Variants in PTPRF observed in about 807,000 individuals in gnomAD.
PTPRF encodes protein tyrosine phosphatase receptor type F, also known as receptor-type tyrosine-protein phosphatase F.
In PTPRF, 59 loss-of-function variants were observed where a neutral mutation model predicts 201.8. The ratio of observed to expected loss-of-function variants is 0.29; its 90% CI spans 0.24 to 0.36. The LOEUF is 0.36. Among genes scored for constraint, PTPRF ranks in the 10% least tolerant of loss-of-function variants. The pLI, the probability that PTPRF is intolerant of heterozygous loss-of-function variation, is 1.00. For synonymous variants in PTPRF, 1,088 were observed against 1,089.7 expected (o/e 1.00, Z 0.03); for missense variants, 2,132 against 2,690.5 (o/e 0.79, Z 4.59).
At chr1:43,615,949 T>A (rs1317182931) in intron 23 of PTPRF, among the ~76,000 whole-genome samples, 2 of 152,102 alleles carry the variant, frequency 1.3e-5, no homozygotes, top group African/African-American at 4.8e-5. Context: ...TGGAGACACA[T>A]GCCCTCAGGG....
rs981971925 is a variant in PTPRF at position 43,622,246 on chromosome 1, T to TG, written c.*245dup. 2 of 534,198 alleles carry TG rather than the reference T, an allele frequency of 3.7e-6. No individual in the cohort carries two copies. Among genetic ancestry groups the TG allele is most frequent in the Admixed American group, 3.3e-5 (1 of 30,764 alleles). The allele number at this position is 534,198 out of a possible 1,614,324, so 33.1% of individuals were successfully genotyped here. A position where few individuals can be genotyped will look rare whatever the true frequency, so the allele number is the denominator to read the frequency against. On this transcript the variant is annotated 3_prime_UTR_variant, in exon 34 of 34. Transcript: ENST00000359947. Reference sequence around the variant, plus strand: ...GGCCCTTCTGTCCACCAGACCCACCTGGAGCCCGCTTCAAGCTCTCTGTTG... The same window carrying TG: ...GGCCCTTCTGTCCACCAGACCCACCTGGGAGCCCGCTTCAAGCTCTCTGTTG...
At chr1:43,561,126 T>TA (rs1213828222) in intron 5 of PTPRF, among the ~76,000 whole-genome samples, 1 of 152,070 alleles carries the variant, frequency 6.6e-6, no homozygotes, top group African/African-American at 2.4e-5. Context: ...CCTCTTGATA[T>TA]ACCCCCTGAC....
chr1:43,556,171 T>C (rs1255603063), intron 5 of PTPRF, among the ~76,000 whole-genome samples: 2 of 152,270 alleles, frequency 1.3e-5, no homozygotes, highest in Non-Finnish European at 2.9e-5. Context: ...GTTTTCACAT[T>C]GGCCATTTTT....
Position 43,591,885 on chromosome 1 carries a change from C to T in PTPRF, c.1605C>T (p.Pro535=), listed in dbSNP as rs1650860782. The change falls in exon 10 of 34, where the codon CCC becomes CCT. Residue 535 remains proline (P), a synonymous_variant. Transcript: ENST00000359947. The part of the protein sequence containing the change: ...DTRIQLSWLL[P]PQERIIMYEL... Reference sequence around the variant, plus strand: ...GGATCCAGCTCTCGTGGCTGCTGCCCCCTCAGGAGCGGATCATCATGTATG... The same window carrying T: ...GGATCCAGCTCTCGTGGCTGCTGCCTCCTCAGGAGCGGATCATCATGTATG... 6.2e-7 allele frequency: 1 copy of T among 1,613,470 alleles called. No individual in the cohort carries two copies. Among genetic ancestry groups the T allele is most frequent in the African/African-American group, 1.3e-5 (1 of 75,040 alleles).
intron 5 of PTPRF, among the ~76,000 whole-genome samples, chr1:43,560,607 T>C (rs1338408318): frequency 6.6e-6 from 1 of 152,142 alleles, no homozygotes; most frequent in Non-Finnish European, 1.5e-5. Context: ...ATGCTGTGTC[T>C]GGGCTCATTG....
intron 6 of PTPRF, chr1:43,575,886 T>C: frequency 4.4e-6 from 6 of 1,359,256 alleles, no homozygotes; most frequent in South Asian, 1.2e-5. Flanking sequence ...TCTGATCTTA[T>C]TTGCATTCAA....
At chr1:43,581,624 G>T (rs79383893) in intron 7 of PTPRF, among the ~76,000 whole-genome samples, 1 of 152,206 alleles carries the variant, frequency 6.6e-6, no homozygotes, top group Non-Finnish European at 1.5e-5. Flanking sequence ...AGCAGTACTA[G>T]GGGCCCTTCA....
Position 43,621,921 on chromosome 1 carries a change from C to A in PTPRF, c.5656-14C>A, listed in dbSNP as rs747770420. On this transcript the variant is annotated splice_polypyrimidine_tract_variant and intron_variant, in intron 33 of 33. Transcript: ENST00000359947. Reference sequence around the variant, plus strand: ...CTGGCGCGACCCACACTGACCAGCCCCCTATCCTGGCAGGACCAGTATCAG... The same window carrying A: ...CTGGCGCGACCCACACTGACCAGCCACCTATCCTGGCAGGACCAGTATCAG... The A allele has an allele frequency of 1.1e-5, 18 of 1,613,936 alleles. No individual in the cohort carries two copies. Among genetic ancestry groups the A allele is most frequent in the Non-Finnish European group, 1.4e-5 (17 of 1,179,966 alleles).
At chr1:43,556,706 GT>G (rs1207180110) in intron 5 of PTPRF, among the ~76,000 whole-genome samples, 3 of 152,212 alleles carry the variant, frequency 2.0e-5, no homozygotes, top group Non-Finnish European at 1.5e-5. Flanking sequence ...TGCTCCATCT[GT>G]AAATGGATAT....
At chr1:43,527,291 C>G (rs1189166182), upstream of PTPRF, among the ~76,000 whole-genome samples, 1 of 152,206 alleles carries the variant, frequency 6.6e-6, no homozygotes, top group Non-Finnish European at 1.5e-5. Context: ...AGCAGGGCAG[C>G]AGGGCAGCCC....
At position 43,588,601 on chromosome 1, in the gene PTPRF, G is replaced by A. The variant is rs1410175744; in HGVS notation, c.680-130G>A. 3 of 1,244,854 alleles carry A rather than the reference G, an allele frequency of 2.4e-6. No homozygotes were observed. The highest frequency in any genetic ancestry group is 1.5e-5 in the African/African-American group (1 of 66,150). 77.1% of individuals were successfully genotyped at this position (1,244,854 alleles called of 1,614,324 possible). A position where few individuals can be genotyped will look rare whatever the true frequency, so the allele number is the denominator to read the frequency against. On this transcript the variant is annotated intron_variant, in intron 7 of 33. Transcript: ENST00000359947. The surrounding 1 kb of genome is among the most constrained non-coding windows in gnomAD (Gnocchi z 5.3). ...GGATGATGAGCTGGGGTCTGGCGGT[G>A]CCACCCCTCCTGTCTCTGAGCATGG...
chr1:43,591,125 G>A lies in PTPRF; in HGVS notation c.1103G>A (p.Gly368Asp). 4 of 1,613,738 alleles carry A rather than the reference G, an allele frequency of 2.5e-6. No homozygotes were observed. The highest frequency in any genetic ancestry group is 3.4e-6 in the Non-Finnish European group (4 of 1,180,044). ...GTEGPFQEVD[G>D]VATTRYSIGG... ...GAGGGCCCCTTTCAGGAGGTGGATG[G>A]TGTGGCCACCACCCGCTACAGCATT... Residue 368 changes from glycine (G) to aspartate (D), a missense_variant, in exon 9 of 34, where the codon GGT (glycine) becomes GAT (aspartate). Gly to Asp is a moderately conservative substitution (Grantham distance 94). Transcript: ENST00000359947.
chr1:43,558,420 T>G (rs1212592439), intron 5 of PTPRF, among the ~76,000 whole-genome samples: 1 of 151,846 alleles, frequency 6.6e-6, no homozygotes, highest in African/African-American at 2.4e-5. Flanking sequence ...AGCCGTGCCC[T>G]TTGCACCTCG....
chr1:43,527,949 T>A (rs990431523), upstream of PTPRF, among the ~76,000 whole-genome samples: 1 of 152,212 alleles, frequency 6.6e-6, no homozygotes, highest in Non-Finnish European at 1.5e-5. Context: ...TCTTCATTCT[T>A]TAACAAATAT....
chr1:43,612,770 T>C (rs779249446), intron 22 of PTPRF: 1 of 1,365,956 alleles, frequency 7.3e-7, no homozygotes, highest in Non-Finnish European at 9.8e-7. Context: ...CTCTGCAGGT[T>C]CCAGTGTCCC....
intron 5 of PTPRF, among the ~76,000 whole-genome samples, chr1:43,559,194 G>C (rs1030724404): frequency 1.3e-5 from 2 of 151,964 alleles, no homozygotes; most frequent in Non-Finnish European, 2.9e-5. Flanking sequence ...GTGCAGCAGG[G>C]GTGCTGCCTT....
intron 2 of PTPRF, among the ~76,000 whole-genome samples, chr1:43,543,381 C>A (rs1352108843): frequency 6.6e-6 from 1 of 152,238 alleles, no homozygotes; most frequent in African/African-American, 2.4e-5. Flanking sequence ...GATCCATCCC[C>A]AGCTTGGTGT....
Position 43,604,930 on chromosome 1 carries a change from C to T in PTPRF, c.3065C>T (p.Ala1022Val). Residue 1022 changes from alanine (A) to valine (V), a missense_variant, in exon 17 of 34, where the codon GCT (alanine) becomes GTT (valine). Physicochemically the swap from Ala to Val is moderately conservative, Grantham distance 64. Coordinates refer to ENST00000359947, the MANE Select transcript of PTPRF (RefSeq NM_002840.5). ...QVFAKNFRVAAAMKTSVLLSW... is the reference protein window; with the variant it reads ...QVFAKNFRVAVAMKTSVLLSW... The stretch of plus-strand genomic sequence containing the variant: ...TTTGCCAAGAACTTCCGGGTGGCGG[C>T]TGCAATGAAGACGTCTGTGCTGCTC... 1 of 1,614,152 alleles carries T rather than the reference C, an allele frequency of 6.2e-7. No homozygotes were observed. Among genetic ancestry groups the T allele is most frequent in the Non-Finnish European group, 8.5e-7 (1 of 1,180,046 alleles).
In PTPRF at chr1:43,603,916, C is replaced by A; in HGVS notation, c.2764C>A (p.Leu922Met). The A allele has an allele frequency of 3.1e-6, 5 of 1,614,132 alleles. No individual in the cohort carries two copies. The highest frequency in any genetic ancestry group is 4.2e-6 in the Non-Finnish European group (5 of 1,180,042). Reference sequence around the variant, plus strand: ...CCTGCCCAGCGGCTTCCCCCAAAACCTGCATGTGACAGGACTGACCACGTC... The same window carrying A: ...CCTGCCCAGCGGCTTCCCCCAAAACATGCATGTGACAGGACTGACCACGTC... ...EDLPSGFPQN[L>M]HVTGLTTSTT... is the part of the protein sequence containing the mutation. Residue 922 changes from leucine to methionine, a missense_variant, in exon 16 of 34, where the codon CTG becomes ATG. Around this residue, in one of 6 missense-constraint regions of PTPRF, gnomAD observed 818 missense variants for 915.3 expected, o/e 0.89. Coordinates refer to ENST00000359947, the MANE Select transcript of PTPRF (RefSeq NM_002840.5). This position sits in a 1 kb window ranked among gnomAD's most constrained non-coding sequence, Gnocchi z 5.8.
Sources: allele counts gnomAD v4.1 joint callset (sites outside exome capture counted in the v4.1 genomes callset), GRCh38; gene constraint gnomAD v4.1.1; regional missense constraint gnomAD v4.1.1; non-coding constraint Gnocchi (gnomAD v3.1); transcripts MANE v1.5; gene names NCBI Gene and HGNC (gene_info 2026-07-23, HGNC 2026-07-21).